SLCO1B3: variants seen among roughly 807,000 people sequenced by gnomAD.
SLCO1B3 encodes solute carrier organic anion transporter family member 1B3.
A neutral mutation model predicts 71.8 loss-of-function variants in SLCO1B3; 72 were observed. The observed-to-expected ratio is 1.00, with a 90% confidence interval of 0.83 to 1.22. SLCO1B3 has a LOEUF of 1.22. Ranked by LOEUF, SLCO1B3 falls within the 50% of genes most tolerant of loss-of-function variation. The pLI is 0.00. For synonymous variants in SLCO1B3, 298 were observed against 278.4 expected, an observed-to-expected ratio of 1.07 and a Z score of -0.70; for missense variants, 911 against 819.7, an observed-to-expected ratio of 1.11 and a Z score of -1.36.
chr12:20,907,480 C>CCTTCCT (rs759986374), intron 15 of SLCO1B3, among the ~76,000 whole-genome samples: 1,470 of 139,934 alleles, frequency 0.011, 28 homozygotes, highest in Non-Finnish European at 0.018. Flanking sequence ...TTCCCCTTCC[C>CCTTCCT]CTTCCTCTTC....
intron 3 of SLCO1B3, among the ~76,000 whole-genome samples, chr12:20,838,547 G>A (rs1864732153): frequency 6.6e-6 from 1 of 151,990 alleles, no homozygotes; most frequent in Admixed American, 6.6e-5. Flanking sequence ...AAACATCATA[G>A]ACTGTACTTA....
At chr12:20,873,593 A>T (rs1348062758) in intron 8 of SLCO1B3, among the ~76,000 whole-genome samples, 3 of 152,172 alleles carry the variant, frequency 2.0e-5, no homozygotes. Flanking sequence ...ATAAGCTGGG[A>T]GCATTTTTTA....
rs1418913402 is a variant in SLCO1B3, at chr12:20,879,555, T to C, written c.1255T>C (p.Phe419Leu). Reference protein sequence around the residue: ...KFSFLTSMISFLFQLLYFPLI... With the variant: ...KFSFLTSMISLLFQLLYFPLI... ...TTCATTTCTTACTTCGATGATATCC[T>C]TCTTGTTTCAACTTCTATATTTCCC... Residue 419 changes from phenylalanine (F) to leucine (L), a missense_variant, in exon 11 of 16, where the codon TTC (phenylalanine) becomes CTC (leucine). Transcript: ENST00000381545. The C allele has an allele frequency of 1.9e-6, 3 of 1,613,006 alleles. No homozygotes were observed. The African/African-American group carries it at 4.0e-5, about 22-fold the overall frequency.
Position 20,855,209 on chromosome 12 carries a change from A to C in SLCO1B3, c.226+40A>C, listed in dbSNP as rs7302920. The C allele has an allele frequency of 2.2e-3, 3,462 of 1,545,518 alleles. 47 individuals are homozygous for C. In the African/African-American group the frequency reaches 0.04, roughly 18 times the overall value. ...TTCTATTTGATAACCATACTTGCAT[A>C]AGTTGAAAAACAAACTGTTCATGCA... On this transcript the variant is annotated intron_variant, in intron 4 of 15. Coordinates refer to ENST00000381545, the MANE Select transcript of SLCO1B3 (RefSeq NM_019844.4).
At chr12:20,814,617 G>A (rs1001882307) in intron 2 of SLCO1B3, among the ~76,000 whole-genome samples, 3 of 152,092 alleles carry the variant, frequency 2.0e-5, no homozygotes, top group African/African-American at 4.8e-5. Flanking sequence ...AAGGCTGGGC[G>A]CGGTGGTTCA....
intron 3 of SLCO1B3, among the ~76,000 whole-genome samples, chr12:20,840,225 A>T (rs530057920): frequency 1.3e-5 from 2 of 152,168 alleles, no homozygotes; most frequent in South Asian, 2.1e-4. Context: ...TATCTCCTTG[A>T]TAGCAAGGGA....
In SLCO1B3 at chr12:20,835,018, C is replaced by T. The variant is rs1429611947; in HGVS notation, c.84+19196C>T. On this transcript the variant is annotated intron_variant, in intron 3 of 15. Transcript: ENST00000381545. ...TCCTCTGAAATCTAGGTGGAGGTTCCCAAACTTCACTTCTTGACTTCTGTG... is the reference window on the plus strand; with the variant it reads ...TCCTCTGAAATCTAGGTGGAGGTTCTCAAACTTCACTTCTTGACTTCTGTG... Among the ~76,000 whole-genome samples, 3 of 152,152 alleles carry T rather than the reference C, an allele frequency of 2.0e-5. No individual in the cohort carries two copies. The East Asian group carries it at 5.8e-4, about 29-fold the overall frequency.
intron 13 of SLCO1B3, among the ~76,000 whole-genome samples, chr12:20,885,998 A>C (rs948415705): frequency 6.6e-6 from 1 of 152,134 alleles, no homozygotes; most frequent in Non-Finnish European, 1.5e-5. Flanking sequence ...ATTATTGAGC[A>C]TGGTTATGAT....
At chr12:20,870,452 T>C (rs1255429795) in intron 8 of SLCO1B3, among the ~76,000 whole-genome samples, 1 of 152,210 alleles carries the variant, frequency 6.6e-6, no homozygotes, top group East Asian at 1.9e-4. Context: ...ATTCTAAGAA[T>C]TTTATAGTTT....
chr12:20,861,091 A>T lies in SLCO1B3; in HGVS notation c.434A>T (p.Asn145Ile), dbSNP rs146623116. 6.2e-7 allele frequency: 1 copy of T among 1,603,304 alleles called. No individual in the cohort carries two copies. Among genetic ancestry groups the T allele is most frequent in the Admixed American group, 1.7e-5 (1 of 58,574 alleles). Residue 145 changes from asparagine (N) to isoleucine (I), a missense_variant, in exon 6 of 16, where the codon AAT becomes ATT. Physicochemically the swap from Asn to Ile is moderately radical, Grantham distance 149. Coordinates refer to ENST00000381545, the MANE Select transcript of SLCO1B3 (RefSeq NM_019844.4). Reference sequence around the variant, plus strand: ...TCAAGTTTATCAACCTGTTTAATTAATCAAACCTTATCATTCAATGGAACA... The same window carrying T: ...TCAAGTTTATCAACCTGTTTAATTATTCAAACCTTATCATTCAATGGAACA... Reference protein sequence around the residue: ...STSSLSTCLINQTLSFNGTSP... With the variant: ...STSSLSTCLIIQTLSFNGTSP...
At chr12:20,899,431 C>G (rs1866082662) in intron 14 of SLCO1B3, among the ~76,000 whole-genome samples, 1 of 152,080 alleles carries the variant, frequency 6.6e-6, no homozygotes, top group South Asian at 2.1e-4. Flanking sequence ...TTCTGGGACC[C>G]TTGCAAGGAA....
intron 14 of SLCO1B3, 133 bp downstream of exon 14, chr12:20,898,633 T>C (rs748862562): frequency 8.8e-5 from 40 of 455,840 alleles, no homozygotes; most frequent in Non-Finnish European, 1.4e-4. Context: ...TATTTTGTGA[T>C]AAGTGAAAAT....
At chr12:20,881,341 G>A (rs1865690414) in intron 12 of SLCO1B3, among the ~76,000 whole-genome samples, 1 of 152,106 alleles carries the variant, frequency 6.6e-6, no homozygotes, top group South Asian at 2.1e-4. Flanking sequence ...TTTGACTAAA[G>A]CACATGATTT....
chr12:20,858,510 G>C lies in SLCO1B3; in HGVS notation c.298G>C (p.Gly100Arg). The C allele has an allele frequency of 6.3e-7, 1 of 1,598,332 alleles. No homozygotes were observed. The highest frequency in any genetic ancestry group is 8.6e-7 in the Non-Finnish European group (1 of 1,165,714). ...KLHRPKLIGI[G>R]CLLMGTGSIL... is the part of the protein sequence containing the mutation. ...ACACAGACCGAAGTTAATTGGAATT[G>C]GTTGTCTCCTTATGGGAACTGGAAG... Residue 100 changes from glycine (G) to arginine (R), a missense_variant, in exon 5 of 16, where the codon GGT becomes CGT. Physicochemically the swap from Gly to Arg is moderately radical, Grantham distance 125. Coordinates refer to ENST00000381545, the MANE Select transcript of SLCO1B3 (RefSeq NM_019844.4).
At chr12:20,834,540 A>G (rs1390429906) in intron 3 of SLCO1B3, among the ~76,000 whole-genome samples, 2 of 149,914 alleles carry the variant, frequency 1.3e-5, no homozygotes, top group African/African-American at 4.9e-5. Flanking sequence ...TATAATATAT[A>G]TGTAATTTAT....
intron 5 of SLCO1B3, among the ~76,000 whole-genome samples, chr12:20,859,283 AC>A (rs1865204557): frequency 6.6e-6 from 1 of 152,188 alleles, no homozygotes; most frequent in African/African-American, 2.4e-5. Flanking sequence ...GAAGTCAGTT[AC>A]GTTTTACACA....
At chr12:20,823,622 T>A (rs545378655) in intron 3 of SLCO1B3, among the ~76,000 whole-genome samples, 1 of 152,344 alleles carries the variant, frequency 6.6e-6, no homozygotes, top group East Asian at 1.9e-4. Flanking sequence ...ATTTGCCATA[T>A]AGGAGCTCTC....
rs767908793 is a variant in SLCO1B3, at chr12:20,862,410, A to C, written c.482-2A>C. 6.2e-7 allele frequency: 1 copy of C among 1,606,608 alleles called. No homozygotes were observed. Among genetic ancestry groups the C allele is most frequent in the Non-Finnish European group, 8.5e-7 (1 of 1,177,752 alleles). ...AAGTAAAACACTCTCTTGTCTCGAT[A>C]GATTGTGTAAAGGAATCTGGGTCAC... is the stretch of plus-strand genomic sequence containing the variant. On this transcript the variant is annotated splice_acceptor_variant, in intron 6 of 15. Coordinates refer to ENST00000381545, the MANE Select transcript of SLCO1B3 (RefSeq NM_019844.4). LOFTEE classifies it high-confidence loss of function.
intron 12 of SLCO1B3, 84 bp from the exon 13 acceptor site, chr12:20,883,334 A>G (rs1865728425): frequency 1.3e-6 from 1 of 741,340 alleles, no homozygotes; most frequent in South Asian, 3.4e-5. Flanking sequence ...TTAGTTTGAG[A>G]CTTCTTTAAA....
Sources: allele counts gnomAD v4.1 joint callset (sites outside exome capture counted in the v4.1 genomes callset), GRCh38; gene constraint gnomAD v4.1.1; transcripts MANE v1.5; gene names NCBI Gene and HGNC (gene_info 2026-07-23, HGNC 2026-07-21).